The following UCHL3 variants were observed in gnomAD, a reference collection of about 807,000 sequenced individuals.
UCHL3 encodes ubiquitin carboxyl-terminal hydrolase isozyme L3.
UCHL3 carries 22 observed loss-of-function variants against 35.8 expected under a neutral mutation model. The observed-to-expected ratio is 0.61, with a 90% CI of 0.44 to 0.88. The LOEUF is 0.88. Ranked by LOEUF, UCHL3 falls within the 40% of genes least tolerant of loss-of-function variation. The probability of loss-of-function intolerance (pLI) is 0.00; values close to 1 mark genes in which losing one functional copy is unlikely to be tolerated. For synonymous variants in UCHL3, 90 were observed against 92.8 expected (o/e 0.97, Z 0.17); for missense variants, 229 against 276.9 (o/e 0.83, Z 1.23).
intron 6 of UCHL3, among the ~76,000 whole-genome samples, chr13:75,572,991 A>G (rs2031908953): frequency 1.3e-5 from 2 of 152,170 alleles, no homozygotes. Flanking sequence ...CCTGCCGGGC[A>G]TGGGGGCTCA....
chr13:75,552,775 TACA>T (rs2031156398), intron 2 of UCHL3, among the ~76,000 whole-genome samples: 1 of 152,124 alleles, frequency 6.6e-6, no homozygotes, highest in Admixed American at 6.5e-5. Flanking sequence ...CATCAAGAAT[TACA>T]ACATTTATAG....
chr13:75,551,650 C>T (rs771708854), intron 2 of UCHL3, among the ~76,000 whole-genome samples: 15 of 152,104 alleles, frequency 9.9e-5, no homozygotes, highest in Non-Finnish European at 1.6e-4. Context: ...AAAGCTGGTT[C>T]ACCATTCAAA....
At chr13:75,552,030 G>A (rs1255017507) in intron 2 of UCHL3, among the ~76,000 whole-genome samples, 2 of 118,916 alleles carry the variant, frequency 1.7e-5, no homozygotes, top group Non-Finnish European at 4.1e-5. Context: ...GTAATACATG[G>A]AATAGTGACA....
At position 75,605,918 on chromosome 13, in the gene UCHL3, C is replaced by T; in HGVS notation, c.*106C>T. On this transcript the variant is annotated 3_prime_UTR_variant, in exon 9 of 9. Coordinates refer to ENST00000377595, the MANE Select transcript of UCHL3 (RefSeq NM_006002.5). The stretch of plus-strand genomic sequence containing the variant: ...TATTTTCATTAACTTGATGATTAAA[C>T]TTTATGTGAGTTAAACTTTGCCTTA... 1 of 1,123,418 alleles carries T rather than the reference C, an allele frequency of 8.9e-7. No homozygotes were observed. The highest frequency in any genetic ancestry group is 1.3e-6 in the Non-Finnish European group (1 of 767,962). 69.6% of individuals were successfully genotyped at this position (1,123,418 alleles called of 1,614,324 possible). A position where few individuals can be genotyped will look rare whatever the true frequency, so the allele number is the denominator to read the frequency against.
At chr13:75,560,724 G>GTTT in intron 2 of UCHL3, 29 bp from the exon 3 acceptor site, 1 of 1,413,522 alleles carries the variant, frequency 7.1e-7, no homozygotes, top group Admixed American at 2.1e-5. Context: ...ATGTTCCATT[G>GTTT]TTTTTTTTTT....
intron 7 of UCHL3, among the ~76,000 whole-genome samples, chr13:75,595,586 A>T (rs2032622862): frequency 8.5e-6 from 1 of 117,402 alleles, no homozygotes; most frequent in South Asian, 3.1e-4. Flanking sequence ...AACAGGAGTG[A>T]TACTCCATCT....
intron 7 of UCHL3, among the ~76,000 whole-genome samples, chr13:75,601,847 C>T (rs1237400154): frequency 2.0e-5 from 3 of 152,064 alleles, no homozygotes; most frequent in Non-Finnish European, 4.4e-5. Flanking sequence ...TGGTAGCTCA[C>T]GCCTGTAATC....
At chr13:75,549,676 A>G, upstream of UCHL3, 3 of 867,732 alleles carry the variant, frequency 3.5e-6, no homozygotes, top group Non-Finnish European at 5.0e-6. Flanking sequence ...AGAGGGTGAG[A>G]GGCCCGTCAA....
rs1184710840 is a variant in UCHL3 at position 75,595,051 on chromosome 13, T to C, written c.550+61T>C. On this transcript the variant is annotated intron_variant, in intron 7 of 8. Coordinates refer to ENST00000377595, the MANE Select transcript of UCHL3 (RefSeq NM_006002.5). ...TGGTAAATGGGAAAGTCTCTACTTA[T>C]GATAAACAGGACTATTGATATTTAT... 1.5e-5 allele frequency: 19 copies of C among 1,255,102 alleles called. No individual in the cohort carries two copies. The South Asian group carries it at 1.6e-4, about 10-fold the overall frequency. 77.7% of individuals were successfully genotyped at this position (1,255,102 alleles called of 1,614,324 possible). A position where few individuals can be genotyped will look rare whatever the true frequency, so the allele number is the denominator to read the frequency against.
At chr13:75,574,613 A>G (rs1024865334) in intron 6 of UCHL3, among the ~76,000 whole-genome samples, 1 of 152,236 alleles carries the variant, frequency 6.6e-6, no homozygotes, top group East Asian at 1.9e-4. Context: ...GTGAAGACTA[A>G]TGAGTTAATT....
At chr13:75,603,682 TAAG>T (rs71670998) in intron 7 of UCHL3, among the ~76,000 whole-genome samples, 66,521 of 151,510 alleles carry the variant, frequency 0.44, 16,073 homozygotes, top group East Asian at 0.63. Flanking sequence ...AAGGATATTT[TAAG>T]AAGACATTTT....
chr13:75,573,956 G>C (rs943226516), intron 6 of UCHL3, among the ~76,000 whole-genome samples: 2 of 152,136 alleles, frequency 1.3e-5, no homozygotes, highest in Non-Finnish European at 2.9e-5. Context: ...GGTGGCTCAC[G>C]CCTGTAATCC....
chr13:75,561,855 GTATACA>G (rs2031524450), intron 3 of UCHL3, among the ~76,000 whole-genome samples: 1 of 58,730 alleles, frequency 1.7e-5, no homozygotes, highest in Non-Finnish European at 4.9e-5. Context: ...GTATACATAC[GTATACA>G]TATATACATA....
At chr13:75,579,592 C>T (rs1255951591) in intron 6 of UCHL3, among the ~76,000 whole-genome samples, 1 of 151,872 alleles carries the variant, frequency 6.6e-6, no homozygotes, top group African/African-American at 2.4e-5. Flanking sequence ...CTCCCCCCTT[C>T]TTTCTTCTTT....
chr13:75,590,093 C>T (rs2032439811), intron 6 of UCHL3: 1 of 1,304,130 alleles, frequency 7.7e-7, no homozygotes, highest in African/African-American at 1.5e-5. Flanking sequence ...GCTGGCGACC[C>T]TTCTTACGTC....
chr13:75,552,689 T>C (rs531578613), intron 2 of UCHL3, among the ~76,000 whole-genome samples: 110 of 152,310 alleles, frequency 7.2e-4, no homozygotes, highest in African/African-American at 2.5e-3. Flanking sequence ...ATTTAAACAT[T>C]TTAAACTCTA....
chr13:75,574,167 G>A (rs569280617), intron 6 of UCHL3, among the ~76,000 whole-genome samples: 8 of 151,850 alleles, frequency 5.3e-5, no homozygotes, highest in Non-Finnish European at 1.2e-4. Flanking sequence ...GCAGTGAGCC[G>A]AGATTGTGCC....
chr13:75,587,848 A>G (rs574827000), intron 6 of UCHL3, among the ~76,000 whole-genome samples: 1 of 152,252 alleles, frequency 6.6e-6, no homozygotes, highest in East Asian at 1.9e-4. Context: ...CCTCTGGAAC[A>G]AAGAGCCTGT....
At chr13:75,590,457 G>C (rs1333373310) in intron 6 of UCHL3, among the ~76,000 whole-genome samples, 1 of 152,084 alleles carries the variant, frequency 6.6e-6, no homozygotes, top group Non-Finnish European at 1.5e-5. Context: ...TCAGCTTTCT[G>C]AATTCATTTA....
Sources: gnomAD v4.1 joint callset for allele counts (sites outside exome capture counted in the v4.1 genomes callset) on GRCh38, gnomAD v4.1.1 for gene constraint, MANE v1.5 for transcripts, NCBI Gene and HGNC (gene_info 2026-07-23, HGNC 2026-07-21) for gene names.